KDM2A: variants seen among roughly 807,000 people sequenced by gnomAD.
KDM2A encodes lysine-specific demethylase 2A.
KDM2A carries 3 observed loss-of-function variants against 137.3 expected under a neutral mutation model. The observed-to-expected ratio is 0.02, with a 90% CI of 0.01 to 0.06. The LOEUF is 0.06. KDM2A is among the 10% of genes least tolerant of loss of function. The pLI is 1.00. For synonymous variants in KDM2A, 512 were observed against 541.5 expected, an observed-to-expected ratio of 0.95 and a Z score of 0.76; for missense variants, 738 against 1,510.6, an observed-to-expected ratio of 0.49 and a Z score of 8.48.
intron 2 of KDM2A, among the ~76,000 whole-genome samples, chr11:67,166,758 C>A (rs900481880): frequency 6.6e-6 from 1 of 151,992 alleles, no homozygotes; most frequent in Non-Finnish European, 1.5e-5. Context: ...TACACTGGTT[C>A]AGGTTGGAAA....
At chr11:67,246,425 G>C (rs1449644145) in intron 15 of KDM2A, among the ~76,000 whole-genome samples, 1 of 152,030 alleles carries the variant, frequency 6.6e-6, no homozygotes, top group Non-Finnish European at 1.5e-5. Flanking sequence ...GGTGTGTTTT[G>C]GGATGCCTCA....
chr11:67,211,639 AAG>A (rs1321870016), intron 6 of KDM2A, among the ~76,000 whole-genome samples: 12 of 149,582 alleles, frequency 8.0e-5, no homozygotes, highest in African/African-American at 2.4e-4. Flanking sequence ...AAAAAAAAAA[AAG>A]AATATATATA....
rs1855592429 is a variant in KDM2A at position 67,121,274 on chromosome 11, C to G, written c.-43C>G. On this transcript the variant is annotated 5_prime_UTR_variant, in exon 2 of 21. Coordinates refer to ENST00000529006, the MANE Select transcript of KDM2A (RefSeq NM_012308.3). ...CCTAAGGAGGAAGAGGAAGGCAGCC[C>G]TGGAGTGGTTTCTTTACAGTAATTT... is the stretch of plus-strand genomic sequence containing the variant. The G allele has an allele frequency of 6.4e-7, 1 of 1,565,486 alleles. No homozygotes were observed. Among genetic ancestry groups the G allele is most frequent in the Non-Finnish European group, 8.8e-7 (1 of 1,136,182 alleles).
intron 10 of KDM2A, among the ~76,000 whole-genome samples, chr11:67,223,241 G>A (rs1312986991): frequency 6.6e-6 from 1 of 151,012 alleles, no homozygotes; most frequent in Admixed American, 6.6e-5. Flanking sequence ...CCCAGTCTTA[G>A]AAATTGATAT....
intron 11 of KDM2A, among the ~76,000 whole-genome samples, chr11:67,228,575 C>G (rs980608794): frequency 1.1e-4 from 17 of 151,408 alleles, no homozygotes; most frequent in African/African-American, 3.9e-4. Context: ...GTCCCAGCTG[C>G]TCAGGAGGCT....
intron 2 of KDM2A, among the ~76,000 whole-genome samples, chr11:67,177,907 A>G (rs755510836): frequency 3.9e-5 from 6 of 152,218 alleles, no homozygotes; most frequent in Non-Finnish European, 7.3e-5. Context: ...CCTGATGGCA[A>G]CAGTGTCACT....
intron 10 of KDM2A, among the ~76,000 whole-genome samples, chr11:67,223,011 G>A (rs1202932350): frequency 6.6e-6 from 1 of 151,818 alleles, no homozygotes; most frequent in Non-Finnish European, 1.5e-5. Flanking sequence ...TGAGCAACAT[G>A]AAGAAACCCT....
intron 5 of KDM2A, among the ~76,000 whole-genome samples, chr11:67,192,433 CTTTTTT>C (rs921321640): frequency 4.1e-4 from 29 of 70,550 alleles, no homozygotes; most frequent in African/African-American, 1.5e-3. Context: ...GTTTCCATTT[CTTTTTT>C]TTTTTTTTTT....
intron 5 of KDM2A, among the ~76,000 whole-genome samples, chr11:67,188,481 CAAAA>C (rs764954297): frequency 2.2e-5 from 2 of 91,930 alleles, no homozygotes. Flanking sequence ...GACTCTGTCT[CAAAA>C]AAAAAAAAAA....
In KDM2A at chr11:67,253,532, G is replaced by T; in HGVS notation, c.3012G>T (p.Arg1004Ser). 1 of 1,613,884 alleles carries T rather than the reference G, an allele frequency of 6.2e-7. No individual in the cohort carries two copies. Among genetic ancestry groups the T allele is most frequent in the Non-Finnish European group, 8.5e-7 (1 of 1,179,858 alleles). Residue 1004 changes from arginine to serine, a missense_variant, in exon 19 of 21, where the codon AGG becomes AGT. Physicochemically the swap from Arg to Ser is moderately radical, Grantham distance 110 (BLOSUM62 -1). Around this residue, in one of 9 missense-constraint regions of KDM2A, gnomAD observed 166 missense variants for 324.0 expected, o/e 0.51. Coordinates refer to ENST00000529006, the MANE Select transcript of KDM2A (RefSeq NM_012308.3). ...ALSTSSCPLL[R>S]TLDLRWAVGI... The stretch of plus-strand genomic sequence containing the variant: ...GCACCTCCAGCTGCCCCCTTCTCAG[G>T]ACCCTTGATCTTCGGTGGGCAGTAG...
rs987489884 is a variant in KDM2A, at chr11:67,256,104, A to C, written c.*1049A>C. The C allele has an allele frequency of 2.6e-5, 4 of 156,450 alleles. No individual in the cohort carries two copies. The highest frequency in any genetic ancestry group is 1.9e-4 in the Admixed American group (3 of 16,058). The allele number at this position is 156,450 out of a possible 1,614,324, so 9.7% of individuals were successfully genotyped here. ...GGCTCACTGAACTTTCAGGGCAGTC[A>C]GGGGGTCCTGCTTAGAAGCCAGTCA... On this transcript the variant is annotated 3_prime_UTR_variant, in exon 21 of 21. Coordinates refer to ENST00000529006, the MANE Select transcript of KDM2A (RefSeq NM_012308.3).
At chr11:67,139,964 A>G (rs1856059352) in intron 2 of KDM2A, among the ~76,000 whole-genome samples, 1 of 151,932 alleles carries the variant, frequency 6.6e-6, no homozygotes, top group Non-Finnish European at 1.5e-5. Flanking sequence ...TTGGCCTTCC[A>G]CAGTGTTGGA....
intron 5 of KDM2A, among the ~76,000 whole-genome samples, chr11:67,190,164 C>G (rs1459292308): frequency 6.6e-6 from 1 of 152,172 alleles, no homozygotes; most frequent in Non-Finnish European, 1.5e-5. Flanking sequence ...AATCCCAGCA[C>G]TTTGGGAGGC....
chr11:67,242,892 C>G, intron 12 of KDM2A, 117 bp from the exon 13 acceptor site: 1 of 696,802 alleles, frequency 1.4e-6, no homozygotes, highest in South Asian at 1.7e-5. Context: ...CAGACAGTTG[C>G]CACCCTGCCT....
chr11:67,169,612 G>A (rs955818194), intron 2 of KDM2A, among the ~76,000 whole-genome samples: 1 of 151,522 alleles, frequency 6.6e-6, no homozygotes, highest in African/African-American at 2.4e-5. Context: ...CTGACCTTAG[G>A]TGATCCTCCT....
rs753043635 is a variant in KDM2A at position 67,254,166 on chromosome 11, G to A, written c.3092-37G>A. The stretch of plus-strand genomic sequence containing the variant: ...AGCCTTGAAGCTGGATTAGAGAATT[G>A]AGAGTTTTGATCTAGGCTCTTCTCT... On this transcript the variant is annotated intron_variant, in intron 19 of 20. Coordinates refer to ENST00000529006, the MANE Select transcript of KDM2A (RefSeq NM_012308.3). This position sits in a 1 kb window ranked among gnomAD's most constrained non-coding sequence, Gnocchi z 4.7. 3 of 1,572,246 alleles carry A rather than the reference G, an allele frequency of 1.9e-6. No homozygotes were observed. The South Asian group carries it at 3.4e-5, about 18-fold the overall frequency.
At chr11:67,176,666 A>G (rs570829803) in intron 2 of KDM2A, among the ~76,000 whole-genome samples, 1 of 152,310 alleles carries the variant, frequency 6.6e-6, no homozygotes, top group Admixed American at 6.5e-5. Context: ...GGTATATCCT[A>G]TAGCTTCTAG....
chr11:67,210,168 T>C (rs1857935569), intron 6 of KDM2A, among the ~76,000 whole-genome samples: 1 of 151,914 alleles, frequency 6.6e-6, no homozygotes, highest in Non-Finnish European at 1.5e-5. Flanking sequence ...AGGAGTTTGA[T>C]ACCAGCCTGG....
chr11:67,164,770 T>C (rs1856704608), intron 2 of KDM2A, among the ~76,000 whole-genome samples: 1 of 151,964 alleles, frequency 6.6e-6, no homozygotes. Context: ...GGTTATTTTT[T>C]GTATTTTTAG....
Sources: gnomAD v4.1 joint callset for allele counts (sites outside exome capture counted in the v4.1 genomes callset) on GRCh38, gnomAD v4.1.1 for gene constraint, gnomAD v4.1.1 regional missense constraint, Gnocchi (gnomAD v3.1) non-coding constraint, MANE v1.5 for transcripts, NCBI Gene and HGNC (gene_info 2026-07-23, HGNC 2026-07-21) for gene names.